The following FOXP2 variants were observed in gnomAD, a reference collection of about 807,000 sequenced individuals.
FOXP2 encodes forkhead box P2.
FOXP2 carries 12 observed loss-of-function variants against 115.8 expected under a neutral mutation model. The ratio of observed to expected loss-of-function variants is 0.10; its 90% CI spans 0.07 to 0.17. FOXP2 has a LOEUF of 0.17. Ranked by LOEUF, FOXP2 falls within the 10% of genes least tolerant of loss-of-function variation. The probability of loss-of-function intolerance (pLI) is 1.00; values close to 1 mark genes in which losing one functional copy is unlikely to be tolerated. For missense variants in FOXP2, 629 were observed against 843.5 expected (o/e 0.75, Z 3.15); for synonymous variants, 328 against 297.7 (o/e 1.10, Z -1.05).
At chr7:114,687,122 C>T (rs759826624) in intron 16 of FOXP2, among the ~76,000 whole-genome samples, 21 of 152,232 alleles carry the variant, frequency 1.4e-4, no homozygotes, top group South Asian at 6.2e-4. Context: ...TTTGATTCTA[C>T]GGCATATAGA....
chr7:114,488,145 GA>G (rs1796877613), intron 2 of FOXP2, among the ~76,000 whole-genome samples: 1 of 152,130 alleles, frequency 6.6e-6, no homozygotes, highest in Admixed American at 6.6e-5. Context: ...AGACATGTCT[GA>G]TACAGTGGCA....
chr7:114,561,350 C>A (rs1800749671), intron 3 of FOXP2: 2 of 152,166 alleles, frequency 1.3e-5, no homozygotes, highest in South Asian at 4.1e-4. Context: ...AAACTCAAGA[C>A]AATAGAAAAC....
chr7:114,612,824 C>T (rs145495385), intron 3 of FOXP2, among the ~76,000 whole-genome samples: 3 of 152,258 alleles, frequency 2.0e-5, no homozygotes, highest in East Asian at 1.9e-4. Context: ...GTTCTTGAAG[C>T]GATCTAATAC....
upstream of FOXP2, among the ~76,000 whole-genome samples, chr7:114,162,391 C>T (rs1792864144): frequency 6.6e-6 from 1 of 151,978 alleles, no homozygotes; most frequent in Non-Finnish European, 1.5e-5. Context: ...ACCTTTGTAC[C>T]ATTAAAAAAA....
At chr7:114,549,811 C>T (rs1800111158) in intron 3 of FOXP2, among the ~76,000 whole-genome samples, 1 of 151,878 alleles carries the variant, frequency 6.6e-6, no homozygotes, top group African/African-American at 2.4e-5. Context: ...TATAATAAAC[C>T]TTTCTTTAAA....
chr7:114,340,806 A>T (rs1331555317), intron 2 of FOXP2, among the ~76,000 whole-genome samples: 1 of 151,162 alleles, frequency 6.6e-6, no homozygotes, highest in Non-Finnish European at 1.5e-5. Flanking sequence ...CTAGAGTGTT[A>T]ACTTATTCTT....
intron 13 of FOXP2, chr7:114,661,796 T>C: frequency 2.5e-6 from 1 of 407,828 alleles, no homozygotes; most frequent in South Asian, 2.1e-5. Flanking sequence ...GTACAGATAT[T>C]GCAATTTAGA....
intron 10 of FOXP2, among the ~76,000 whole-genome samples, chr7:114,657,243 G>A (rs1390758560): frequency 6.6e-6 from 1 of 152,048 alleles, no homozygotes; most frequent in Admixed American, 6.6e-5. Context: ...GTAATGAAGG[G>A]CACACTGTTA....
At chr7:114,419,101 C>T (rs2894699) in intron 1 of FOXP2, among the ~76,000 whole-genome samples, 55,068 of 151,676 alleles carry the variant, frequency 0.36, 11,677 homozygotes, top group East Asian at 0.63. Flanking sequence ...TCTATGCTAA[C>T]TGACTGTGCA....
At chr7:114,673,894 G>A (rs1046818145) in intron 16 of FOXP2, among the ~76,000 whole-genome samples, 2 of 152,102 alleles carry the variant, frequency 1.3e-5, no homozygotes, top group African/African-American at 4.8e-5. Flanking sequence ...TAGAGACGGG[G>A]TTTCACCATG....
intron 2 of FOXP2, among the ~76,000 whole-genome samples, chr7:114,323,431 A>T (rs934024696): frequency 3.9e-5 from 6 of 152,032 alleles, no homozygotes; most frequent in Non-Finnish European, 7.4e-5. Context: ...CTATTATTTT[A>T]AATATAAGAG....
chr7:114,270,280 G>C (rs1223052503), intron 1 of FOXP2, among the ~76,000 whole-genome samples: 1 of 152,114 alleles, frequency 6.6e-6, no homozygotes, highest in African/African-American at 2.4e-5. Flanking sequence ...GCTACTATAA[G>C]CATCTGTCTT....
chr7:114,397,298 C>G (rs949434901), intron 2 of FOXP2, among the ~76,000 whole-genome samples: 1 of 151,890 alleles, frequency 6.6e-6, no homozygotes, highest in Non-Finnish European at 1.5e-5. Context: ...ACCATATATC[C>G]CATACCGATC....
At chr7:114,526,179 A>AG (rs1018282866) in intron 2 of FOXP2, among the ~76,000 whole-genome samples, 1 of 147,078 alleles carries the variant, frequency 6.8e-6, no homozygotes, top group African/African-American at 2.5e-5. Context: ...TATTAAAAAA[A>AG]AAAAAAAAAA....
At chr7:114,527,649 G>C (rs539075378) in intron 2 of FOXP2, among the ~76,000 whole-genome samples, 4 of 152,176 alleles carry the variant, frequency 2.6e-5, no homozygotes, top group African/African-American at 7.2e-5. Flanking sequence ...ATCTTCTCTT[G>C]ATTATTCTGC....
chr7:114,156,833 T>C (rs915554898), intron 1 of FOXP2, among the ~76,000 whole-genome samples: 1 of 152,176 alleles, frequency 6.6e-6, no homozygotes, highest in African/African-American at 2.4e-5. Context: ...AAAGAAATTG[T>C]CATGTAACAT....
intron 3 of FOXP2, among the ~76,000 whole-genome samples, chr7:114,577,820 C>A (rs35300803): frequency 6.6e-6 from 1 of 151,670 alleles, no homozygotes; most frequent in Non-Finnish European, 1.5e-5. Flanking sequence ...GTCTGGCATA[C>A]AACAGCCAGT....
chr7:114,422,119 T>C (rs556900729), intron 1 of FOXP2, among the ~76,000 whole-genome samples: 1 of 151,714 alleles, frequency 6.6e-6, no homozygotes, highest in Non-Finnish European at 1.5e-5. Flanking sequence ...TGTTTTAAAT[T>C]TGATGCCTTA....
intron 1 of FOXP2, among the ~76,000 whole-genome samples, chr7:114,132,836 T>C (rs1311798454): frequency 6.6e-6 from 1 of 152,098 alleles, no homozygotes; most frequent in African/African-American, 2.4e-5. Context: ...TAGTAGGAGA[T>C]AGAATTGAGG....
Sources: allele counts gnomAD v4.1 joint callset (sites outside exome capture counted in the v4.1 genomes callset), GRCh38; gene constraint gnomAD v4.1.1; transcripts MANE v1.5; gene names NCBI Gene and HGNC (gene_info 2026-07-23, HGNC 2026-07-21).